TTC29: variants seen among roughly 807,000 people sequenced by gnomAD.
TTC29 encodes tetratricopeptide repeat protein 29.
In TTC29, 49 loss-of-function variants were observed where a neutral mutation model predicts 58.1. The ratio of observed to expected loss-of-function variants is 0.84; its 90% confidence interval spans 0.67 to 1.07. TTC29 has a LOEUF of 1.07. TTC29 is among the 50% of genes least tolerant of loss of function. The pLI, the probability that TTC29 is intolerant of heterozygous loss-of-function variation, is 0.00. For missense variants in TTC29, 582 were observed against 555.6 expected (o/e 1.05, Z -0.48); for synonymous variants, 209 against 196.8 (o/e 1.06, Z -0.52).
intron 9 of TTC29, chr4:146,831,608 T>C: frequency 2.8e-6 from 1 of 360,356 alleles, no homozygotes; most frequent in South Asian, 2.1e-5. Flanking sequence ...CTCCAAATAA[T>C]ACTTAAATAG....
At chr4:146,840,492 C>T (rs75878461) in intron 8 of TTC29, among the ~76,000 whole-genome samples, 9,867 of 152,104 alleles carry the variant, frequency 0.065, 423 homozygotes, top group Admixed American at 0.13. Flanking sequence ...CTTACAGACA[C>T]TGAAATTATA....
intron 11 of TTC29, among the ~76,000 whole-genome samples, chr4:146,714,900 G>T (rs984739049): frequency 6.6e-6 from 1 of 152,118 alleles, no homozygotes; most frequent in African/African-American, 2.4e-5. Context: ...ACAGGGTCTC[G>T]CTTGCTGCAG....
At chr4:146,765,620 G>A (rs950704753) in intron 11 of TTC29, among the ~76,000 whole-genome samples, 2 of 152,158 alleles carry the variant, frequency 1.3e-5, no homozygotes, top group African/African-American at 4.8e-5. Flanking sequence ...TACTAAGTAC[G>A]TGATCCTTCA....
intron 8 of TTC29, among the ~76,000 whole-genome samples, chr4:146,838,999 C>G (rs1242914674): frequency 6.6e-6 from 1 of 151,930 alleles, no homozygotes; most frequent in Non-Finnish European, 1.5e-5. Flanking sequence ...GTCCAGCCAG[C>G]CTTTATAAGA....
chr4:146,835,223 T>C (rs1024364313), intron 8 of TTC29, among the ~76,000 whole-genome samples: 2 of 152,174 alleles, frequency 1.3e-5, no homozygotes, highest in African/African-American at 2.4e-5. Context: ...GATGAGTTAA[T>C]GGGTGCAGCA....
intron 11 of TTC29, among the ~76,000 whole-genome samples, chr4:146,758,080 T>C (rs183284957): frequency 1.8e-4 from 27 of 152,248 alleles, no homozygotes; most frequent in Middle Eastern, 3.4e-3. Flanking sequence ...AAACCAACTA[T>C]TTGCTGCCTT....
intron 11 of TTC29, among the ~76,000 whole-genome samples, chr4:146,732,686 T>A (rs183430215): frequency 6.6e-6 from 1 of 152,100 alleles, no homozygotes; most frequent in African/African-American, 2.4e-5. Flanking sequence ...AGGATCATCA[T>A]GTAGATATTG....
intron 11 of TTC29, among the ~76,000 whole-genome samples, chr4:146,771,694 C>A (rs1747740694): frequency 6.6e-6 from 1 of 152,058 alleles, no homozygotes; most frequent in Non-Finnish European, 1.5e-5. Flanking sequence ...TATGTCTTTG[C>A]TGTTGTGAAT....
chr4:146,906,947 C>A (rs1036003210), intron 5 of TTC29, among the ~76,000 whole-genome samples: 1 of 152,090 alleles, frequency 6.6e-6, no homozygotes, highest in Admixed American at 6.6e-5. Flanking sequence ...CATGGTGAAA[C>A]CCCGTCTCTA....
At chr4:146,839,662 T>G (rs1728730458) in intron 8 of TTC29, among the ~76,000 whole-genome samples, 1 of 151,772 alleles carries the variant, frequency 6.6e-6, no homozygotes, top group African/African-American at 2.4e-5. Context: ...CAAGGATGCC[T>G]CATGATACTC....
intron 11 of TTC29, among the ~76,000 whole-genome samples, chr4:146,796,356 A>G (rs2150109538): frequency 6.6e-6 from 1 of 152,278 alleles, no homozygotes; most frequent in East Asian, 1.9e-4. Flanking sequence ...TTAAAGAACA[A>G]AAAAAGGAAT....
chr4:146,707,228 GC>G (rs761226490), intron 12 of TTC29, 40 bp from the exon 13 acceptor site: 2 of 1,304,120 alleles, frequency 1.5e-6, no homozygotes, highest in African/African-American at 3.0e-5. Flanking sequence ...TTTATACTGG[GC>G]TAGAAAGCAA....
At chr4:146,885,504 ATTAT>A (rs1731923583) in intron 6 of TTC29, among the ~76,000 whole-genome samples, 1 of 152,050 alleles carries the variant, frequency 6.6e-6, no homozygotes, top group Admixed American at 6.6e-5. Context: ...GACATTCCAT[ATTAT>A]TTATTTTCAT....
In TTC29 at chr4:146,833,821, G is replaced by A. The variant is rs565786178; in HGVS notation, c.962C>T (p.Ala321Val). 2 of 1,613,070 alleles carry A rather than the reference G, an allele frequency of 1.2e-6. No homozygotes were observed. The highest frequency in any genetic ancestry group is 1.1e-5 in the South Asian group (1 of 91,054). ...GCTAACTTACCTCTGCAGGACCTTG[G>A]CTATGGCTTCATAGCCTCTCCCCAG... ...LSLGRGYEAI[A>V]KVLQSQGEMT... The change falls in exon 9 of 13, where the codon GCC (alanine) becomes GTC (valine). Residue 321 changes from alanine to valine, a missense_variant. By Grantham distance (64) the Ala-to-Val change is moderately conservative (BLOSUM62 0). Transcript: ENST00000325106.
chr4:146,735,071 A>G (rs1744618191), intron 11 of TTC29, among the ~76,000 whole-genome samples: 1 of 152,186 alleles, frequency 6.6e-6, no homozygotes. Flanking sequence ...GGTTATTGTT[A>G]TCTGCAATTA....
At chr4:146,824,296 G>C (rs2150145571) in intron 9 of TTC29, among the ~76,000 whole-genome samples, 1 of 152,240 alleles carries the variant, frequency 6.6e-6, no homozygotes, top group East Asian at 1.9e-4. Context: ...AGTTTATTGA[G>C]AGTTTTTAAC....
At position 146,874,994 on chromosome 4, in the gene TTC29, T is replaced by G. The variant is rs546810081; in HGVS notation, c.587-66A>C. 125 of 1,283,226 alleles carry G rather than the reference T, an allele frequency of 9.7e-5. No individual in the cohort carries two copies. The South Asian group carries it at 1.5e-3, about 16-fold the overall frequency. 79.5% of individuals were successfully genotyped at this position (1,283,226 alleles called of 1,614,324 possible). A position where few individuals can be genotyped will look rare whatever the true frequency, so the allele number is the denominator to read the frequency against. ...GGAACGTATTTTCAGAAATTTTGCATACGTTTTAGCTTTATTATTCAATGG... is the reference window on the plus strand; with the variant it reads ...GGAACGTATTTTCAGAAATTTTGCAGACGTTTTAGCTTTATTATTCAATGG... On this transcript the variant is annotated intron_variant, in intron 6 of 12. Coordinates refer to ENST00000325106, the MANE Select transcript of TTC29 (RefSeq NM_031956.4).
intron 11 of TTC29, among the ~76,000 whole-genome samples, chr4:146,752,478 C>A (rs1325407453): frequency 2.0e-5 from 3 of 151,594 alleles, no homozygotes; most frequent in Non-Finnish European, 2.9e-5. Flanking sequence ...CATACTGCCC[C>A]AGGTAATTTA....
At chr4:146,890,306 G>T (rs1201975436) in intron 6 of TTC29, among the ~76,000 whole-genome samples, 2 of 152,136 alleles carry the variant, frequency 1.3e-5, no homozygotes, top group African/African-American at 4.8e-5. Flanking sequence ...GGTTGAAAAA[G>T]TTCTCTAAAC....
Sources: gnomAD v4.1 joint callset for allele counts (sites outside exome capture counted in the v4.1 genomes callset) on GRCh38, gnomAD v4.1.1 for gene constraint, MANE v1.5 for transcripts, NCBI Gene and HGNC (gene_info 2026-07-23, HGNC 2026-07-21) for gene names.